Variants in NPC1 observed in about 807,000 individuals in gnomAD.
The protein encoded by NPC1 is NPC intracellular cholesterol transporter 1, also known as Niemann-Pick C1 protein.
In NPC1, 85 loss-of-function variants were observed where a neutral mutation model predicts 140.4. The observed-to-expected ratio is 0.61, with a 90% CI of 0.51 to 0.72. NPC1 has a LOEUF of 0.72. Ranked by LOEUF, NPC1 falls within the 30% of genes least tolerant of loss-of-function variation. The probability of loss-of-function intolerance (pLI) is 0.00; values close to 1 mark genes in which losing one functional copy is unlikely to be tolerated. For synonymous variants in NPC1, 656 were observed against 624.8 expected, an observed-to-expected ratio of 1.05 and a Z score of -0.74; for missense variants, 1,504 against 1,623.8, an observed-to-expected ratio of 0.93 and a Z score of 1.27.
At chr18:23,586,187 C>T in intron 1 of NPC1, 100 bp downstream of exon 1, 3 of 1,335,650 alleles carry the variant, frequency 2.2e-6, no homozygotes. Flanking sequence ...ACCAACTTCC[C>T]CAGGACCCGG....
intron 1 of NPC1, among the ~76,000 whole-genome samples, chr18:23,585,760 G>A (rs900690262): frequency 1.3e-5 from 2 of 152,140 alleles, no homozygotes; most frequent in African/African-American, 2.4e-5. Flanking sequence ...GGTGTAAAAA[G>A]GAGTTGATGA....
chr18:23,567,760 CAAG>C (rs1241518038), intron 4 of NPC1, among the ~76,000 whole-genome samples: 6 of 152,144 alleles, frequency 3.9e-5, no homozygotes, highest in Non-Finnish European at 8.8e-5. Flanking sequence ...AGTTGTTTTT[CAAG>C]TAGTTTTGAA....
chr18:23,531,992 T>C lies in NPC1; in HGVS notation c.*210A>G. On this transcript the variant is annotated 3_prime_UTR_variant, in exon 25 of 25. Transcript: ENST00000269228. ...CCTGAAGAGGCTGGGAGAAGTTTAG[T>C]GTCCTGTGGTTGCCTCCAGATCTAG... The C allele has an allele frequency of 1.4e-6, 2 of 1,464,728 alleles. No individual in the cohort carries two copies. The highest frequency in any genetic ancestry group is 2.5e-5 in the East Asian group (1 of 40,318). 90.7% of individuals were successfully genotyped at this position (1,464,728 alleles called of 1,614,324 possible). A position where few individuals can be genotyped will look rare whatever the true frequency, so the allele number is the denominator to read the frequency against.
At chr18:23,555,079 A>G (rs985422963) in intron 8 of NPC1, 95 bp from the exon 9 acceptor site, 1 of 830,264 alleles carries the variant, frequency 1.2e-6, no homozygotes, top group African/African-American at 1.7e-5. Context: ...TCAGAAGACA[A>G]AGAGTATTTG....
intron 4 of NPC1, among the ~76,000 whole-genome samples, chr18:23,561,921 G>T (rs965008311): frequency 1.3e-5 from 2 of 152,178 alleles, no homozygotes; most frequent in African/African-American, 4.8e-5. Context: ...CTCTGCCGCA[G>T]GAAGCTACAC....
chr18:23,572,562 T>C (rs1652350), intron 2 of NPC1, among the ~76,000 whole-genome samples: 6 of 152,194 alleles, frequency 3.9e-5, no homozygotes, highest in Admixed American at 2.0e-4. Context: ...GGACAGGTAC[T>C]GTGGCTCATG....
chr18:23,550,732 C>G (rs528044983), intron 10 of NPC1, among the ~76,000 whole-genome samples: 2 of 152,068 alleles, frequency 1.3e-5, no homozygotes, highest in African/African-American at 4.8e-5. Flanking sequence ...GTGATCCACC[C>G]GCCTCGGCCT....
chr18:23,513,759 T>C (rs756949779), intron 3 of NPC1, among the ~76,000 whole-genome samples: 17 of 152,254 alleles, frequency 1.1e-4, no homozygotes, highest in Non-Finnish European at 2.5e-4. Context: ...GGTTTTGATT[T>C]GCGCTCTTTG....
At position 23,544,983 on chromosome 18, in the gene NPC1, T is replaced by C; in HGVS notation, c.1924A>G (p.Met642Val). The change falls in exon 12 of 25, where the codon ATG (methionine) becomes GTG (valine). Residue 642 changes from methionine (M) to valine (V), a missense_variant. Coordinates refer to ENST00000269228, the MANE Select transcript of NPC1 (RefSeq NM_000271.5). ...FLYISLALGHMKSCRRLLVDS... is the reference protein window; with the variant it reads ...FLYISLALGHVKSCRRLLVDS... ...ACCAGAAGCCTGCGACAGCTTTTCA[T>C]GTGCCCCAAGGCTAGGGAAATATAT... 1 of 1,500,700 alleles carries C rather than the reference T, an allele frequency of 6.7e-7. No homozygotes were observed. Among genetic ancestry groups the C allele is most frequent in the Non-Finnish European group, 9.1e-7 (1 of 1,101,440 alleles). 93.0% of individuals were successfully genotyped at this position (1,500,700 alleles called of 1,614,324 possible).
chr18:23,558,555 C>T (rs1279194505), intron 6 of NPC1, among the ~76,000 whole-genome samples: 2 of 152,280 alleles, frequency 1.3e-5, no homozygotes, highest in East Asian at 3.9e-4. Flanking sequence ...CTTTCTGTCA[C>T]AGATTAGAGG....
intron 14 of NPC1, among the ~76,000 whole-genome samples, 177 bp downstream of exon 14, chr18:23,543,278 G>A (rs901372983): frequency 5.5e-5 from 8 of 144,512 alleles, no homozygotes; most frequent in East Asian, 2.1e-4. Flanking sequence ...GCAGTGAGCC[G>A]AGATTGCACC....
downstream of NPC1, among the ~76,000 whole-genome samples, chr18:23,522,077 G>T (rs928771680): frequency 6.6e-6 from 1 of 152,304 alleles, no homozygotes; most frequent in Admixed American, 6.5e-5. Flanking sequence ...GTTCAGAATC[G>T]CACTCTGGCT....
chr18:23,556,188 G>T, intron 8 of NPC1, 55 bp downstream of exon 8: 1 of 1,508,520 alleles, frequency 6.6e-7, no homozygotes, highest in Non-Finnish European at 9.2e-7. Flanking sequence ...ACATGTAAAA[G>T]CCAGCAAACC....
chr18:23,543,590 A>T (rs1264092176), intron 13 of NPC1, 21 bp from the exon 14 acceptor site: 3 of 1,093,386 alleles, frequency 2.7e-6, no homozygotes, highest in Admixed American at 2.0e-5. Context: ...AAAAAAAAAA[A>T]TTATGCGACA....
At position 23,532,202 on chromosome 18, in the gene NPC1, C is replaced by T; in HGVS notation, c.3837G>A (p.Ter1279=). The T allele has an allele frequency of 6.2e-7, 1 of 1,614,124 alleles. No homozygotes were observed. The highest frequency in any genetic ancestry group is 8.5e-7 in the Non-Finnish European group (1 of 1,180,040). Reference sequence around the variant, plus strand: ...TCAGTCAGGATGCCCTGCGAGAGGGCTAGAAATTTAGAAGCCGTTCGCGCT... The same window carrying T: ...TCAGTCAGGATGCCCTGCGAGAGGGTTAGAAATTTAGAAGCCGTTCGCGCT... The part of the protein sequence containing the change: ...GTERERLLNF[*] The change falls in exon 25 of 25, where the codon TAG becomes TAA. Residue 1279 remains the stop codon, a stop_retained_variant. Coordinates refer to ENST00000269228, the MANE Select transcript of NPC1 (RefSeq NM_000271.5).
At chr18:23,575,370 G>A (rs2059260025) in intron 1 of NPC1, among the ~76,000 whole-genome samples, 1 of 152,144 alleles carries the variant, frequency 6.6e-6, no homozygotes, top group Non-Finnish European at 1.5e-5. Flanking sequence ...GGCACGGAGT[G>A]GGATCGAGTC....
chr18:23,576,022 G>C (rs562046615), intron 1 of NPC1, among the ~76,000 whole-genome samples: 2 of 152,010 alleles, frequency 1.3e-5, no homozygotes, highest in Non-Finnish European at 2.9e-5. Flanking sequence ...TCAGGAGTTC[G>C]AGACCAGCCT....
intron 3 of NPC1, among the ~76,000 whole-genome samples, chr18:23,513,519 C>T (rs1289811757): frequency 6.6e-6 from 1 of 152,200 alleles, no homozygotes; most frequent in Non-Finnish European, 1.5e-5. Flanking sequence ...ATGCAGATAC[C>T]GCTTCAAGAT....
intron 3 of NPC1, among the ~76,000 whole-genome samples, chr18:23,517,052 TA>T (rs773629985): frequency 1.3e-5 from 2 of 152,146 alleles, no homozygotes; most frequent in Non-Finnish European, 2.9e-5. Context: ...AAAGCTCAGT[TA>T]AATAATAATT....
Sources: allele counts gnomAD v4.1 joint callset (sites outside exome capture counted in the v4.1 genomes callset), GRCh38; gene constraint gnomAD v4.1.1; transcripts MANE v1.5; gene names NCBI Gene and HGNC (gene_info 2026-07-23, HGNC 2026-07-21).